The following ROBO2 variants were observed in gnomAD, a reference collection of about 807,000 sequenced individuals.
ROBO2 encodes the protein roundabout homolog 2.
A neutral mutation model predicts 160.8 loss-of-function variants in ROBO2; 53 were observed. The observed-to-expected ratio is 0.33, with a 90% CI of 0.26 to 0.41. The LOEUF (loss-of-function observed/expected upper bound fraction) is 0.41, where lower values mean the gene tolerates loss of function less well. ROBO2 is among the 10% of genes least tolerant of loss of function. ROBO2 has a pLI of 1.00. For missense variants in ROBO2, 1,577 were observed against 1,722.4 expected (o/e 0.92, Z 1.49); for synonymous variants, 664 against 611.7 (o/e 1.09, Z -1.26).
chr3:77,557,325 TAAATC>T (rs1353305812), intron 8 of ROBO2, among the ~76,000 whole-genome samples: 1 of 151,964 alleles, frequency 6.6e-6, no homozygotes, highest in Non-Finnish European at 1.5e-5. Context: ...AAGCACTAAT[TAAATC>T]AAATCATCCA....
At chr3:77,237,167 T>C (rs1024852889) in intron 2 of ROBO2, among the ~76,000 whole-genome samples, 2 of 148,690 alleles carry the variant, frequency 1.3e-5, no homozygotes, top group African/African-American at 4.9e-5. Context: ...CCATCATGCC[T>C]GGCCACTTGA....
intron 2 of ROBO2, among the ~76,000 whole-genome samples, chr3:76,253,677 C>T (rs539458278): frequency 3.4e-4 from 52 of 150,748 alleles, no homozygotes; most frequent in African/African-American, 1.2e-3. Flanking sequence ...AAAAGAGCAA[C>T]AAATAATTGT....
At chr3:76,330,890 A>G (rs575052758) in intron 2 of ROBO2, among the ~76,000 whole-genome samples, 2 of 152,340 alleles carry the variant, frequency 1.3e-5, no homozygotes, top group Admixed American at 6.5e-5. Flanking sequence ...TTGATGGTTT[A>G]CTACCTAGCA....
chr3:77,538,542 G>A (rs1178226062), intron 6 of ROBO2, among the ~76,000 whole-genome samples: 1 of 152,058 alleles, frequency 6.6e-6, no homozygotes, highest in East Asian at 1.9e-4. Flanking sequence ...CTCTATAAAA[G>A]TGATTATTTT....
intron 2 of ROBO2, among the ~76,000 whole-genome samples, chr3:75,979,500 G>C (rs2107435692): frequency 6.6e-6 from 1 of 151,446 alleles, no homozygotes; most frequent in Admixed American, 6.6e-5. Context: ...TTGGAAAAAT[G>C]GTTCCGAGGA....
At chr3:76,952,525 G>A (rs529685384) in intron 2 of ROBO2, among the ~76,000 whole-genome samples, 9 of 151,876 alleles carry the variant, frequency 5.9e-5, no homozygotes, top group Admixed American at 3.9e-4. Context: ...CTCGTGATCC[G>A]CCTGCCTCGG....
chr3:76,565,279 A>G (rs996435284), intron 2 of ROBO2, among the ~76,000 whole-genome samples: 4 of 152,184 alleles, frequency 2.6e-5, no homozygotes, highest in African/African-American at 4.8e-5. Flanking sequence ...TGATTTATTT[A>G]TTGCTTTTCT....
intron 2 of ROBO2, among the ~76,000 whole-genome samples, chr3:76,081,533 G>GT (rs2068829958): frequency 6.6e-6 from 1 of 152,080 alleles, no homozygotes; most frequent in Non-Finnish European, 1.5e-5. Flanking sequence ...ACCTGGCATA[G>GT]AATTGGATGA....
chr3:76,434,305 A>G (rs751669573), intron 2 of ROBO2: 6 of 1,082,732 alleles, frequency 5.5e-6, no homozygotes, highest in Admixed American at 1.7e-5. Flanking sequence ...AAGCTTTCCA[A>G]TTTGTTGGCA....
intron 2 of ROBO2, among the ~76,000 whole-genome samples, chr3:76,391,007 GATTA>G (rs1246660059): frequency 2.6e-5 from 4 of 152,052 alleles, no homozygotes; most frequent in Non-Finnish European, 5.9e-5. Context: ...TAATAAAATA[GATTA>G]ATTAAATTCA....
intron 2 of ROBO2, among the ~76,000 whole-genome samples, chr3:76,199,837 C>T (rs1428295126): frequency 6.6e-6 from 1 of 152,146 alleles, no homozygotes; most frequent in Non-Finnish European, 1.5e-5. Flanking sequence ...TGCCAATAAT[C>T]TCCAGTTAAA....
chr3:76,403,958 G>A (rs1026887254), intron 2 of ROBO2, among the ~76,000 whole-genome samples: 1 of 151,598 alleles, frequency 6.6e-6, no homozygotes, highest in African/African-American at 2.4e-5. Context: ...TCTGGACTAT[G>A]AGTTAAGAAA....
intron 5 of ROBO2, among the ~76,000 whole-genome samples, chr3:77,509,092 A>G (rs1447728041): frequency 1.3e-5 from 2 of 152,112 alleles, no homozygotes; most frequent in Non-Finnish European, 2.9e-5. Context: ...TTCAACAAAG[A>G]ACATCAATTT....
At chr3:77,596,141 TTCA>T (rs2094298153) in intron 18 of ROBO2, among the ~76,000 whole-genome samples, 1 of 152,134 alleles carries the variant, frequency 6.6e-6, no homozygotes, top group Admixed American at 6.5e-5. Flanking sequence ...ATAAATACTG[TTCA>T]TTAATTTCAC....
intron 2 of ROBO2, among the ~76,000 whole-genome samples, chr3:76,160,405 C>A (rs990355564): frequency 6.6e-6 from 1 of 152,026 alleles, no homozygotes; most frequent in African/African-American, 2.4e-5. Flanking sequence ...ATTGTGTAAG[C>A]TGAAGTAATT....
intron 2 of ROBO2, among the ~76,000 whole-genome samples, chr3:76,806,249 A>G (rs1457473719): frequency 1.9e-5 from 2 of 107,308 alleles, no homozygotes; most frequent in Admixed American, 1.0e-4. Flanking sequence ...GTGTGTTACT[A>G]TACATATACA....
intron 2 of ROBO2, among the ~76,000 whole-genome samples, chr3:76,798,120 AAGAAGAAAGAAAGAAGAAAG>A (rs1039210941): frequency 7.1e-6 from 1 of 141,228 alleles, no homozygotes; most frequent in African/African-American, 2.7e-5. Context: ...AAAGAAGAGA[AAGAAGAAAGAAAGAAGAAAG>A]AGAAAGAAAG....
At chr3:76,760,332 C>T (rs1465908855) in intron 2 of ROBO2, among the ~76,000 whole-genome samples, 4 of 151,670 alleles carry the variant, frequency 2.6e-5, no homozygotes, top group South Asian at 2.1e-4. Context: ...TTTCTGATTA[C>T]CTGCTGGCAA....
chr3:75,963,511 G>T (rs911575549), intron 2 of ROBO2, among the ~76,000 whole-genome samples: 1 of 151,700 alleles, frequency 6.6e-6, no homozygotes, highest in African/African-American at 2.4e-5. Flanking sequence ...TTTTAAAATT[G>T]TCATTATAAT....
Sources: allele counts gnomAD v4.1 joint callset (sites outside exome capture counted in the v4.1 genomes callset), GRCh38; gene constraint gnomAD v4.1.1; transcripts MANE v1.5; gene names NCBI Gene and HGNC (gene_info 2026-07-23, HGNC 2026-07-21).